Variants in KCNK2 observed in about 807,000 individuals in gnomAD.
KCNK2 encodes potassium two pore domain channel subfamily K member 2.
Under a neutral mutation model 40.5 loss-of-function variants are expected in KCNK2, and 21 were observed. That is an observed-to-expected ratio of 0.52 (90% CI 0.37 to 0.75). The LOEUF (loss-of-function observed/expected upper bound fraction) is 0.75, where lower values mean the gene tolerates loss of function less well. KCNK2 is among the 30% of genes least tolerant of loss of function. The pLI, the probability that KCNK2 is intolerant of heterozygous loss-of-function variation, is 0.00. For synonymous variants in KCNK2, 191 were observed against 202.2 expected (o/e 0.94, Z 0.47); for missense variants, 399 against 531.6 (o/e 0.75, Z 2.45).
chr1:215,051,491 C>A (rs565792780), intron 1 of KCNK2, among the ~76,000 whole-genome samples: 5 of 152,222 alleles, frequency 3.3e-5, no homozygotes, highest in African/African-American at 1.2e-4. Context: ...AATGCCATAC[C>A]TAGCCATTAG....
chr1:215,106,482 G>T (rs1379751895), intron 2 of KCNK2, among the ~76,000 whole-genome samples: 8 of 151,858 alleles, frequency 5.3e-5, no homozygotes, highest in African/African-American at 2.4e-5. Flanking sequence ...TGGATATTAG[G>T]TCCAGAGTTT....
At chr1:215,147,123 A>G (rs1171115019) in intron 3 of KCNK2, among the ~76,000 whole-genome samples, 1 of 151,852 alleles carries the variant, frequency 6.6e-6, no homozygotes, top group Admixed American at 6.6e-5. Flanking sequence ...GAAAATTAAG[A>G]CTCCTCATTT....
intron 1 of KCNK2, among the ~76,000 whole-genome samples, chr1:215,060,460 T>A (rs776633474): frequency 1.8e-4 from 28 of 152,144 alleles, no homozygotes; most frequent in Non-Finnish European, 4.0e-4. Context: ...TGAAGGCCAG[T>A]GCAAATGTTC....
intron 1 of KCNK2, among the ~76,000 whole-genome samples, chr1:215,083,881 G>A (rs1399901004): frequency 6.6e-6 from 1 of 152,144 alleles, no homozygotes; most frequent in Non-Finnish European, 1.5e-5. Flanking sequence ...CAGAAGACCG[G>A]GATTAACAGA....
chr1:215,210,509 G>C (rs1033373575), intron 6 of KCNK2, among the ~76,000 whole-genome samples: 1 of 152,042 alleles, frequency 6.6e-6, no homozygotes, highest in Non-Finnish European at 1.5e-5. Context: ...GCAAGTTGAG[G>C]ACTGTTATGA....
At chr1:215,029,695 AAAATT>A (rs1247220640) in intron 1 of KCNK2, among the ~76,000 whole-genome samples, 9 of 149,956 alleles carry the variant, frequency 6.0e-5, no homozygotes, top group Non-Finnish European at 1.5e-5. Flanking sequence ...TATTATTTTT[AAAATT>A]AAATTACCAT....
intron 1 of KCNK2, among the ~76,000 whole-genome samples, chr1:215,027,264 G>T (rs2102482731): frequency 6.6e-6 from 1 of 151,998 alleles, no homozygotes; most frequent in East Asian, 1.9e-4. Context: ...GTTTTCATTG[G>T]AGTTTTCAAA....
intron 6 of KCNK2, among the ~76,000 whole-genome samples, chr1:215,195,710 G>T (rs1664836211): frequency 6.6e-6 from 1 of 152,064 alleles, no homozygotes; most frequent in South Asian, 2.1e-4. Flanking sequence ...GGGAAAATTT[G>T]AAATTTAAAT....
intron 3 of KCNK2, among the ~76,000 whole-genome samples, chr1:215,141,195 C>T (rs976256414): frequency 4.6e-5 from 7 of 151,862 alleles, no homozygotes; most frequent in African/African-American, 1.2e-4. Context: ...TTACGGTTAA[C>T]GTTTTTTCTT....
At chr1:215,047,770 A>T (rs552946371) in intron 1 of KCNK2, among the ~76,000 whole-genome samples, 1 of 152,286 alleles carries the variant, frequency 6.6e-6, no homozygotes, top group Admixed American at 6.5e-5. Flanking sequence ...CTAATCAATC[A>T]TATTTTCCCT....
At chr1:215,090,563 A>G (rs1265456232) in intron 2 of KCNK2, among the ~76,000 whole-genome samples, 4 of 152,166 alleles carry the variant, frequency 2.6e-5, no homozygotes, top group Non-Finnish European at 5.9e-5. Context: ...TTATATCAGC[A>G]TTTTCCCATT....
intron 5 of KCNK2, among the ~76,000 whole-genome samples, chr1:215,180,026 G>A (rs1377935677): frequency 6.6e-6 from 1 of 152,132 alleles, no homozygotes; most frequent in African/African-American, 2.4e-5. Flanking sequence ...CCTGTTTTAT[G>A]AATCTGGGTG....
rs1221442854 is a variant in KCNK2 at position 215,209,761 on chromosome 1, AAAATATATAATATATAT to A, written c.963+14679_963+14695del. Among the ~76,000 whole-genome samples the A allele has an allele frequency of 2.8e-3, 34 of 12,070 alleles. 1 individual carries two copies. Among genetic ancestry groups the A allele is most frequent in the South Asian group, 3.1e-3 (1 of 320 alleles). 7.9% of individuals were successfully genotyped at this position (12,070 alleles called of 152,430 possible). ...ATATATATAAATATATATTATATAT[AAAATATATAATATATAT>A]AAATATATATTATATATAAAATATA... On this transcript the variant is annotated intron_variant, in intron 6 of 6. Coordinates refer to ENST00000444842, the MANE Select transcript of KCNK2 (RefSeq NM_001017425.3).
chr1:215,005,862 T>TGGA (rs1199134306), exon 1 of KCNK2: 1 of 1,504,382 alleles, frequency 6.6e-7, no homozygotes, highest in African/African-American at 1.4e-5. Flanking sequence ...CAAGAAACCT[T>TGGA]GGAGGAAGAA....
chr1:215,211,886 G>A (rs1225735562), intron 6 of KCNK2, among the ~76,000 whole-genome samples: 2 of 152,068 alleles, frequency 1.3e-5, no homozygotes, highest in Admixed American at 6.6e-5. Context: ...TTTTAAAAAT[G>A]TTTTCAGTAG....
chr1:215,147,264 C>A (rs373182056), intron 3 of KCNK2, among the ~76,000 whole-genome samples: 2 of 152,146 alleles, frequency 1.3e-5, no homozygotes, highest in Non-Finnish European at 2.9e-5. Context: ...TTAAAATGCA[C>A]ATGTACCATC....
At chr1:215,223,353 C>T (rs1225588255) in intron 6 of KCNK2, among the ~76,000 whole-genome samples, 2 of 151,428 alleles carry the variant, frequency 1.3e-5, no homozygotes, top group Non-Finnish European at 2.9e-5. Flanking sequence ...GTAGAAATCC[C>T]TTATCTAGTG....
chr1:215,131,495 T>G (rs960215881), intron 3 of KCNK2, among the ~76,000 whole-genome samples: 1 of 147,424 alleles, frequency 6.8e-6, no homozygotes, highest in Non-Finnish European at 1.5e-5. Context: ...ATGCAAATTA[T>G]TAATATATAA....
At chr1:215,136,736 T>C (rs2102596031) in intron 3 of KCNK2, among the ~76,000 whole-genome samples, 1 of 152,282 alleles carries the variant, frequency 6.6e-6, no homozygotes, top group South Asian at 2.1e-4. Context: ...GATAAAGCTT[T>C]ATACAAGTGC....
Sources: allele counts gnomAD v4.1 joint callset (sites outside exome capture counted in the v4.1 genomes callset), GRCh38; gene constraint gnomAD v4.1.1; transcripts MANE v1.5; gene names NCBI Gene and HGNC (gene_info 2026-07-23, HGNC 2026-07-21).